TENM4: variants seen among roughly 807,000 people sequenced by gnomAD.
TENM4 encodes the protein teneurin-4.
Under a neutral mutation model 243.3 loss-of-function variants are expected in TENM4, and 82 were observed. That is an observed-to-expected ratio of 0.34 (90% confidence interval 0.28 to 0.40). The LOEUF (loss-of-function observed/expected upper bound fraction) is 0.40, where lower values mean the gene tolerates loss of function less well. Among genes scored for constraint, TENM4 ranks in the 10% least tolerant of loss-of-function variants. The probability of loss-of-function intolerance (pLI) is 1.00; values close to 1 mark genes in which losing one functional copy is unlikely to be tolerated. For missense variants in TENM4, 3,138 were observed against 3,673.3 expected (o/e 0.85, Z 3.77); for synonymous variants, 1,412 against 1,456.3 (o/e 0.97, Z 0.69).
At chr11:78,780,899 T>A (rs780855095) in intron 16 of TENM4, among the ~76,000 whole-genome samples, 1 of 152,160 alleles carries the variant, frequency 6.6e-6, no homozygotes, top group African/African-American at 2.4e-5. Context: ...GAGACAAAAG[T>A]AGACATTCAA....
At chr11:79,163,790 T>C (rs200137919) in intron 3 of TENM4, among the ~76,000 whole-genome samples, 16 of 45,484 alleles carry the variant, frequency 3.5e-4, no homozygotes, top group Middle Eastern at 0.014. Context: ...CATATATATA[T>C]ACACACACAT....
At chr11:79,211,393 T>C (rs1257257488) in intron 3 of TENM4, among the ~76,000 whole-genome samples, 2 of 152,312 alleles carry the variant, frequency 1.3e-5, no homozygotes, top group Non-Finnish European at 2.9e-5. Context: ...TCTCACCTTT[T>C]ATACCCACAG....
intron 3 of TENM4, among the ~76,000 whole-genome samples, chr11:79,153,554 C>A (rs1406531732): frequency 6.6e-6 from 1 of 152,102 alleles, no homozygotes; most frequent in Non-Finnish European, 1.5e-5. Context: ...ACACCCCTAC[C>A]AAAACCAAGT....
At chr11:78,792,673 A>C (rs1248281749) in intron 15 of TENM4, among the ~76,000 whole-genome samples, 1 of 152,206 alleles carries the variant, frequency 6.6e-6, no homozygotes, top group African/African-American at 2.4e-5. Flanking sequence ...GAAAGAATAG[A>C]TGAATGAAAA....
intron 2 of TENM4, among the ~76,000 whole-genome samples, chr11:79,288,021 A>T (rs1168263805): frequency 6.6e-6 from 1 of 152,200 alleles, no homozygotes; most frequent in Non-Finnish European, 1.5e-5. Flanking sequence ...TTTCAATGGA[A>T]CTGGCCCTCA....
intron 6 of TENM4, among the ~76,000 whole-genome samples, chr11:78,978,736 A>C (rs73502658): frequency 6.6e-6 from 1 of 151,812 alleles, no homozygotes; most frequent in Non-Finnish European, 1.5e-5. Context: ...TAACCAAAAA[A>C]GCTTATCTGG....
At chr11:79,025,412 C>A (rs1859052286) in intron 6 of TENM4, among the ~76,000 whole-genome samples, 1 of 152,174 alleles carries the variant, frequency 6.6e-6, no homozygotes, top group Non-Finnish European at 1.5e-5. Context: ...TAGACATCCC[C>A]CTAGCTCCGT....
At chr11:78,711,505 T>G (rs1162245576) in intron 26 of TENM4, among the ~76,000 whole-genome samples, 1 of 152,198 alleles carries the variant, frequency 6.6e-6, no homozygotes, top group Non-Finnish European at 1.5e-5. Flanking sequence ...GATTTGAAAC[T>G]AGGCCCTGAA....
At chr11:79,407,484 C>T (rs1007548003) in intron 1 of TENM4, among the ~76,000 whole-genome samples, 2 of 152,210 alleles carry the variant, frequency 1.3e-5, no homozygotes, top group African/African-American at 4.8e-5. Context: ...AAGAATCCTG[C>T]TCATCTGCAA....
intron 4 of TENM4, among the ~76,000 whole-genome samples, chr11:79,138,148 C>A (rs1246664507): frequency 2.0e-5 from 3 of 150,614 alleles, no homozygotes; most frequent in Admixed American, 6.7e-5. Flanking sequence ...CCTAGTCTCC[C>A]AGCCTACATC....
At chr11:78,849,246 T>A (rs1858475961) in intron 12 of TENM4, among the ~76,000 whole-genome samples, 1 of 152,258 alleles carries the variant, frequency 6.6e-6, no homozygotes, top group South Asian at 2.1e-4. Context: ...AAGTTTTAGA[T>A]GTGAGACTTT....
chr11:79,053,254 T>C (rs1859848578), intron 6 of TENM4, among the ~76,000 whole-genome samples: 1 of 152,228 alleles, frequency 6.6e-6, no homozygotes, highest in Non-Finnish European at 1.5e-5. Context: ...GCATTATGAA[T>C]GTGGGTTCCA....
At chr11:78,890,117 C>T in intron 8 of TENM4, 97 bp from the exon 9 acceptor site, 4 of 947,564 alleles carry the variant, frequency 4.2e-6, no homozygotes, top group South Asian at 1.7e-5. Context: ...AAGAAGCATG[C>T]AGAGGAGCCT....
intron 1 of TENM4, among the ~76,000 whole-genome samples, chr11:79,311,956 A>G (rs1349070064): frequency 6.6e-6 from 1 of 152,122 alleles, no homozygotes; most frequent in Non-Finnish European, 1.5e-5. Context: ...CAGGGTCCTG[A>G]ATGAGTCTCT....
At chr11:78,793,462 A>C (rs138271979) in intron 15 of TENM4, among the ~76,000 whole-genome samples, 29 of 152,328 alleles carry the variant, frequency 1.9e-4, no homozygotes, top group African/African-American at 6.7e-4. Context: ...TGAGGACCTG[A>C]GATTCCAAGA....
intron 7 of TENM4, among the ~76,000 whole-genome samples, chr11:78,899,417 TAAAC>T (rs1855874637): frequency 6.6e-6 from 1 of 151,580 alleles, no homozygotes; most frequent in East Asian, 1.9e-4. Context: ...CTACAAAAAA[TAAAC>T]AAAATCAGCT....
At chr11:79,330,096 C>T (rs1485217472) in intron 1 of TENM4, among the ~76,000 whole-genome samples, 2 of 152,170 alleles carry the variant, frequency 1.3e-5, no homozygotes, top group Non-Finnish European at 2.9e-5. Flanking sequence ...CCCTGTTTGC[C>T]TATTTCCATG....
At chr11:79,034,810 G>A (rs931868815) in intron 6 of TENM4, among the ~76,000 whole-genome samples, 16 of 152,204 alleles carry the variant, frequency 1.1e-4, no homozygotes, top group African/African-American at 3.9e-4. Flanking sequence ...CATGGTGAGC[G>A]AAGGGTCTCA....
chr11:78,945,211 C>A (rs1013264665), intron 6 of TENM4, among the ~76,000 whole-genome samples: 2 of 152,202 alleles, frequency 1.3e-5, no homozygotes, highest in African/African-American at 4.8e-5. Context: ...GTCAAGCAAG[C>A]CCATTGGTGC....
Sources: allele counts gnomAD v4.1 joint callset (sites outside exome capture counted in the v4.1 genomes callset), GRCh38; gene constraint gnomAD v4.1.1; transcripts MANE v1.5; gene names NCBI Gene and HGNC (gene_info 2026-07-23, HGNC 2026-07-21).